SIK3: variants seen among roughly 807,000 people sequenced by gnomAD.
SIK3 encodes SIK family kinase 3.
A neutral mutation model predicts 144.2 loss-of-function variants in SIK3; 28 were observed. The observed-to-expected ratio is 0.19, with a 90% CI of 0.14 to 0.27. The LOEUF (loss-of-function observed/expected upper bound fraction) is 0.27, where lower values mean the gene tolerates loss of function less well. Ranked by LOEUF, SIK3 falls within the 10% of genes least tolerant of loss-of-function variation. The probability of loss-of-function intolerance (pLI) is 1.00; values close to 1 mark genes in which losing one functional copy is unlikely to be tolerated. For missense variants in SIK3, 1,319 were observed against 1,776.0 expected (o/e 0.74, Z 4.62); for synonymous variants, 686 against 676.3 (o/e 1.01, Z -0.22).
intron 22 of SIK3, among the ~76,000 whole-genome samples, chr11:116,848,362 T>A (rs1029613640): frequency 6.6e-6 from 1 of 150,632 alleles, no homozygotes; most frequent in East Asian, 1.9e-4. Context: ...ATAATAATAA[T>A]AAAAAATAAA....
chr11:116,956,053 G>A (rs1949125917), intron 2 of SIK3, among the ~76,000 whole-genome samples: 1 of 152,130 alleles, frequency 6.6e-6, no homozygotes, highest in Non-Finnish European at 1.5e-5. Flanking sequence ...AACCAAGTGG[G>A]TGGCCACGTC....
chr11:116,971,595 G>A (rs1197194868), intron 1 of SIK3, among the ~76,000 whole-genome samples: 1 of 152,080 alleles, frequency 6.6e-6, no homozygotes, highest in Admixed American at 6.5e-5. Context: ...AACAAAAGTA[G>A]ACAATAAAAT....
At chr11:116,908,452 C>T (rs143500840) in intron 4 of SIK3, among the ~76,000 whole-genome samples, 4 of 152,090 alleles carry the variant, frequency 2.6e-5, no homozygotes, top group African/African-American at 9.7e-5. Flanking sequence ...GCACTGCAGC[C>T]TGGGTGATGG....
intron 1 of SIK3, among the ~76,000 whole-genome samples, chr11:117,033,656 CAG>C (rs1952362948): frequency 7.2e-6 from 1 of 138,726 alleles, no homozygotes; most frequent in South Asian, 2.2e-4. Context: ...TTGCAGTGAG[CAG>C]AGATTGCGCC....
intron 9 of SIK3, 120 bp from the exon 10 acceptor site, chr11:116,875,571 C>A: frequency 3.6e-6 from 4 of 1,124,572 alleles, no homozygotes; most frequent in South Asian, 1.5e-5. Flanking sequence ...GTTTTTGGTT[C>A]ATCGGCCCTT....
intron 1 of SIK3, among the ~76,000 whole-genome samples, chr11:116,966,096 A>G (rs1949538141): frequency 6.6e-6 from 1 of 152,186 alleles, no homozygotes; most frequent in South Asian, 2.1e-4. Flanking sequence ...CAGTTCTAAT[A>G]GTTCAAAATG....
intron 13 of SIK3, 27 bp downstream of exon 13, chr11:116,873,454 T>G (rs766959207): frequency 4.2e-5 from 68 of 1,613,774 alleles, no homozygotes; most frequent in Non-Finnish European, 5.6e-5. Context: ...TCTGAGACAG[T>G]GAATTGGGCT....
intron 1 of SIK3, among the ~76,000 whole-genome samples, chr11:117,095,189 G>C (rs1955420449): frequency 1.6e-5 from 1 of 63,332 alleles, no homozygotes; most frequent in Non-Finnish European, 3.1e-5. Flanking sequence ...GGTCATGTGT[G>C]TTTAAAAAAA....
At chr11:116,975,059 G>A (rs1031292839) in intron 1 of SIK3, among the ~76,000 whole-genome samples, 8 of 151,916 alleles carry the variant, frequency 5.3e-5, no homozygotes, top group Non-Finnish European at 1.0e-4. Flanking sequence ...TCTGAAAGTA[G>A]ATTTTTTTAA....
intron 1 of SIK3, among the ~76,000 whole-genome samples, chr11:117,080,933 G>A (rs1308140373): frequency 6.6e-6 from 1 of 151,986 alleles, no homozygotes; most frequent in African/African-American, 2.4e-5. Context: ...GGGTGACAGA[G>A]AAACTCTGTC....
At chr11:117,052,994 A>C (rs115474175) in intron 1 of SIK3, among the ~76,000 whole-genome samples, 2,094 of 152,272 alleles carry the variant, frequency 0.014, 49 homozygotes, top group African/African-American at 0.047. Flanking sequence ...AAAGATGATT[A>C]AAATAGCCCA....
Position 117,098,318 on chromosome 11 carries a change from C to A in SIK3, c.98G>T (p.Gly33Val). 8.6e-7 allele frequency: 1 copy of A among 1,160,294 alleles called. No individual in the cohort carries two copies. The highest frequency in any genetic ancestry group is 1.1e-6 in the Non-Finnish European group (1 of 945,304). 71.9% of individuals were successfully genotyped at this position (1,160,294 alleles called of 1,614,324 possible). A position where few individuals can be genotyped will look rare whatever the true frequency, so the allele number is the denominator to read the frequency against. The change falls in exon 1 of 25, where the codon GGG becomes GTG. Residue 33 changes from glycine (G) to valine (V), a missense_variant. Physicochemically the swap from Gly to Val is moderately radical, Grantham distance 109. Coordinates refer to ENST00000445177, the MANE Select transcript of SIK3 (RefSeq NM_001366686.3). ...CACGGCAGCGGGGGCGGCTGGGGACCCCGGCGCGGGCGGAGGCAGCAGGCG... is the reference window on the plus strand; with the variant it reads ...CACGGCAGCGGGGGCGGCTGGGGACACCGGCGCGGGCGGAGGCAGCAGGCG... ...AGRLLPPPAP[G>V]SPAAPAAVSP...
intron 3 of SIK3, among the ~76,000 whole-genome samples, chr11:116,948,593 G>A (rs998539274): frequency 6.6e-6 from 1 of 151,936 alleles, no homozygotes; most frequent in Non-Finnish European, 1.5e-5. Context: ...TGTTTCTTAA[G>A]GGACTGTAGT....
At chr11:116,915,280 G>A (rs1946574082) in intron 4 of SIK3, among the ~76,000 whole-genome samples, 2 of 151,910 alleles carry the variant, frequency 1.3e-5, no homozygotes, top group South Asian at 2.1e-4. Flanking sequence ...CCAAAGTGCT[G>A]GGATTACAAG....
At chr11:117,055,386 T>C (rs887089123) in intron 1 of SIK3, among the ~76,000 whole-genome samples, 1 of 152,214 alleles carries the variant, frequency 6.6e-6, no homozygotes, top group African/African-American at 2.4e-5. Context: ...AATCCTGAGA[T>C]AGGTAGCTCT....
chr11:116,927,584 C>T (rs1947345018), intron 3 of SIK3, among the ~76,000 whole-genome samples: 1 of 152,160 alleles, frequency 6.6e-6, no homozygotes, highest in Non-Finnish European at 1.5e-5. Flanking sequence ...AAGTATAAAT[C>T]CTGTTATACA....
chr11:116,875,753 G>A (rs1184126805), intron 9 of SIK3, 113 bp downstream of exon 9: 8 of 1,280,666 alleles, frequency 6.2e-6, no homozygotes, highest in Admixed American at 4.7e-5. Flanking sequence ...AATGGGAGGA[G>A]ACAGAGGTAA....
Position 116,846,546 on chromosome 11 carries a change from CCCA to C in SIK3, c.3957_3959del (p.Cys1319_Gly1320delinsTrp). ...GGTGCTCATGACCTCCCAGGCTTGCCCCACATTCTGCAAGACCAAAAAGAACGT... is the reference window on the plus strand; with the variant it reads ...GGTGCTCATGACCTCCCAGGCTTGCCCATTCTGCAAGACCAAAAAGAACGT... On this transcript the variant is annotated inframe_deletion, in exon 24 of 25. Transcript: ENST00000445177. This position sits in a 1 kb window ranked among gnomAD's most constrained non-coding sequence, Gnocchi z 4.1. The C allele has an allele frequency of 6.2e-7, 1 of 1,614,046 alleles. No individual in the cohort carries two copies. The highest frequency in any genetic ancestry group is 8.5e-7 in the Non-Finnish European group (1 of 1,179,992).
chr11:116,937,562 CA>C lies in SIK3; in HGVS notation c.455-10183del, dbSNP rs556642274. Among the ~76,000 whole-genome samples, 255 of 152,242 alleles carry C rather than the reference CA, an allele frequency of 1.7e-3. 2 individuals are homozygous for C. Among genetic ancestry groups the C allele is most frequent in the Middle Eastern group, 3.4e-3 (1 of 294 alleles). On this transcript the variant is annotated intron_variant, in intron 3 of 24. Transcript: ENST00000445177. ...TTCTTCATGGGATATATCCTAAGAACAAAAAGAACCACAAGTCTCCTTATTA... is the reference window on the plus strand; with the variant it reads ...TTCTTCATGGGATATATCCTAAGAACAAAAGAACCACAAGTCTCCTTATTA...
Sources: gnomAD v4.1 joint callset for allele counts (sites outside exome capture counted in the v4.1 genomes callset) on GRCh38, gnomAD v4.1.1 for gene constraint, Gnocchi (gnomAD v3.1) non-coding constraint, MANE v1.5 for transcripts, NCBI Gene and HGNC (gene_info 2026-07-23, HGNC 2026-07-21) for gene names.